The following IQCJ variants were observed in gnomAD, a reference collection of about 807,000 sequenced individuals.
IQCJ encodes IQ domain-containing protein J.
Under a neutral mutation model 11.0 loss-of-function variants are expected in IQCJ, and 9 were observed. That is an observed-to-expected ratio of 0.82 (90% confidence interval 0.49 to 1.43). The LOEUF is 1.43. Ranked by LOEUF, IQCJ falls within the 40% of genes most tolerant of loss-of-function variation. The pLI is 0.00. For synonymous variants in IQCJ, 55 were observed against 51.3 expected (o/e 1.07, Z -0.31); for missense variants, 146 against 133.2 (o/e 1.10, Z -0.47).
At chr3:159,077,932 G>T (rs901140335) in intron 1 of IQCJ, among the ~76,000 whole-genome samples, 8 of 151,904 alleles carry the variant, frequency 5.3e-5, no homozygotes, top group Non-Finnish European at 1.0e-4. Context: ...TAATATTTTT[G>T]AGTAATTGAG....
chr3:159,194,189 T>C (rs1723848105), intron 1 of IQCJ, among the ~76,000 whole-genome samples: 1 of 152,230 alleles, frequency 6.6e-6, no homozygotes, highest in African/African-American at 2.4e-5. Context: ...TGCTCAGATA[T>C]GAAATTGATG....
chr3:159,149,146 G>A (rs1486050165), intron 1 of IQCJ, among the ~76,000 whole-genome samples: 1 of 152,186 alleles, frequency 6.6e-6, no homozygotes, highest in Non-Finnish European at 1.5e-5. Context: ...AAAATGAATA[G>A]TAGATAAAAA....
At chr3:159,190,900 G>A (rs1723649288) in intron 1 of IQCJ, among the ~76,000 whole-genome samples, 1 of 152,198 alleles carries the variant, frequency 6.6e-6, no homozygotes, top group Admixed American at 6.5e-5. Context: ...TTCTTGTATA[G>A]TTAGGGGAAC....
intron 1 of IQCJ, among the ~76,000 whole-genome samples, chr3:159,181,895 G>A (rs1477348540): frequency 1.3e-5 from 2 of 150,762 alleles, no homozygotes; most frequent in Non-Finnish European, 2.9e-5. Flanking sequence ...AGCCACTAGA[G>A]TGAACAATTT....
At chr3:159,123,741 G>T (rs1719512653) in intron 1 of IQCJ, among the ~76,000 whole-genome samples, 1 of 152,118 alleles carries the variant, frequency 6.6e-6, no homozygotes, top group South Asian at 2.1e-4. Flanking sequence ...AGAACCTAAG[G>T]AAACAATGCT....
At chr3:159,091,761 G>A (rs931982333) in intron 1 of IQCJ, among the ~76,000 whole-genome samples, 3 of 150,908 alleles carry the variant, frequency 2.0e-5, no homozygotes, top group South Asian at 4.2e-4. Context: ...GACAATTTGA[G>A]TATCAGAATG....
In IQCJ at chr3:159,261,746, GA is replaced by G. The variant is rs572933625; in HGVS notation, c.156-800del. On this transcript the variant is annotated intron_variant, in intron 3 of 3. Transcript: ENST00000397832. ...GGGGGAATCACTTAGCTTATATTAAGAAGAGGTTTCCGTTATCCTGAGCAGA... is the reference window on the plus strand; with the variant it reads ...GGGGGAATCACTTAGCTTATATTAAGAGAGGTTTCCGTTATCCTGAGCAGA... Among the ~76,000 whole-genome samples the G allele has an allele frequency of 4.5e-3, 692 of 152,304 alleles. 6 individuals carry two copies. The highest frequency in any genetic ancestry group is 0.016 in the African/African-American group (656 of 41,548).
intron 1 of IQCJ, among the ~76,000 whole-genome samples, chr3:159,090,400 G>C (rs1447342354): frequency 1.3e-5 from 2 of 151,832 alleles, no homozygotes; most frequent in Admixed American, 6.5e-5. Flanking sequence ...GACCGGAGCT[G>C]TTCCTATTTG....
chr3:159,086,567 T>C (rs922583807), intron 1 of IQCJ, among the ~76,000 whole-genome samples: 1 of 152,216 alleles, frequency 6.6e-6, no homozygotes, highest in African/African-American at 2.4e-5. Flanking sequence ...TATTCTTCCA[T>C]TTGTTTGTAT....
intron 1 of IQCJ, among the ~76,000 whole-genome samples, chr3:159,087,069 CTTA>C (rs1716836310): frequency 6.6e-6 from 1 of 152,084 alleles, no homozygotes; most frequent in Middle Eastern, 3.2e-3. Flanking sequence ...ATAGATAGCT[CTTA>C]TTATTTTGAA....
Position 159,262,612 on chromosome 3 carries a change from C to T in IQCJ, c.220C>T (p.Pro74Ser). ...GCCCCTGGGGAAGAGGAGCCCGTCC[C>T]CACCCTCTGTCTCCTCAGAGAAGCT... ...QEPLGKRSPS[P>S]PSVSSEKLSS... is the part of the protein sequence containing the mutation. The change falls in exon 4 of 4, where the codon CCA becomes TCA. Residue 74 changes from proline to serine, a missense_variant. By Grantham distance (74) the Pro-to-Ser change is moderately conservative (BLOSUM62 -1). Coordinates refer to ENST00000397832, the MANE Select transcript of IQCJ (RefSeq NM_001042706.3). The T allele has an allele frequency of 6.2e-7, 1 of 1,613,976 alleles. No individual in the cohort carries two copies. Among genetic ancestry groups the T allele is most frequent in the South Asian group, 1.1e-5 (1 of 91,084 alleles).
intron 1 of IQCJ, among the ~76,000 whole-genome samples, chr3:159,116,417 T>A (rs968215035): frequency 3.3e-5 from 5 of 151,894 alleles, no homozygotes; most frequent in Non-Finnish European, 7.4e-5. Flanking sequence ...TGGAAGAAAT[T>A]TAATCTTCTC....
intron 1 of IQCJ, among the ~76,000 whole-genome samples, chr3:159,124,540 G>A (rs1719560967): frequency 6.6e-6 from 1 of 151,894 alleles, no homozygotes; most frequent in South Asian, 2.1e-4. Context: ...ACCTCTTCAG[G>A]GAAGAGATAA....
intron 3 of IQCJ, among the ~76,000 whole-genome samples, chr3:159,259,119 C>T (rs553466016): frequency 3.9e-4 from 59 of 152,280 alleles, no homozygotes; most frequent in African/African-American, 1.3e-3. Context: ...ACCCGGACTG[C>T]ACTGGCTGTG....
downstream of IQCJ, among the ~76,000 whole-genome samples, chr3:159,264,291 T>C (rs1481854263): frequency 6.6e-6 from 1 of 152,264 alleles, no homozygotes; most frequent in African/African-American, 2.4e-5. Flanking sequence ...GTTTTATATT[T>C]GTACGGCTGT....
chr3:159,111,967 T>G (rs1718662071), intron 1 of IQCJ, among the ~76,000 whole-genome samples: 1 of 152,178 alleles, frequency 6.6e-6, no homozygotes, highest in Non-Finnish European at 1.5e-5. Context: ...TCCCCGCAAT[T>G]GTCTGAAAGC....
chr3:159,180,887 T>A (rs930760578), intron 1 of IQCJ, among the ~76,000 whole-genome samples: 2 of 152,150 alleles, frequency 1.3e-5, no homozygotes, highest in Admixed American at 1.3e-4. Context: ...CATTTTGTCA[T>A]CAAGTTATAT....
chr3:159,189,046 C>A (rs926485497), intron 1 of IQCJ, among the ~76,000 whole-genome samples: 3 of 152,030 alleles, frequency 2.0e-5, no homozygotes, highest in African/African-American at 7.2e-5. Context: ...GACTTCATGG[C>A]ACATCTGAAT....
At chr3:159,243,945 A>G (rs1283397436) in intron 1 of IQCJ, among the ~76,000 whole-genome samples, 4 of 152,216 alleles carry the variant, frequency 2.6e-5, no homozygotes, top group African/African-American at 9.6e-5. Context: ...AGATTAGCTC[A>G]TTGATTGACT....
Sources: gnomAD v4.1 joint callset for allele counts (sites outside exome capture counted in the v4.1 genomes callset) on GRCh38, gnomAD v4.1.1 for gene constraint, MANE v1.5 for transcripts, NCBI Gene and HGNC (gene_info 2026-07-23, HGNC 2026-07-21) for gene names.